Variants in ZFYVE27 observed in about 807,000 individuals in gnomAD.
ZFYVE27 encodes the protein protrudin.
ZFYVE27 carries 36 observed loss-of-function variants against 52.8 expected under a neutral mutation model. The ratio of observed to expected loss-of-function variants is 0.68; its 90% CI spans 0.52 to 0.90. The LOEUF is 0.90. ZFYVE27 is among the 40% of genes least tolerant of loss of function. ZFYVE27 has a pLI of 0.00. For missense variants in ZFYVE27, 450 were observed against 527.2 expected, an observed-to-expected ratio of 0.85 and a Z score of 1.43; for synonymous variants, 223 against 215.6, an observed-to-expected ratio of 1.03 and a Z score of -0.30.
chr10:97,747,616 C>T (rs961206812), intron 4 of ZFYVE27, among the ~76,000 whole-genome samples: 1 of 152,050 alleles, frequency 6.6e-6, no homozygotes. Flanking sequence ...CTCAAATTGT[C>T]CTAGATTTGG....
At chr10:97,740,538 C>G (rs1302281010) in intron 2 of ZFYVE27, among the ~76,000 whole-genome samples, 3 of 152,190 alleles carry the variant, frequency 2.0e-5, no homozygotes, top group African/African-American at 7.2e-5. Context: ...CTGCCCGTCT[C>G]CTTTTCCTCT....
chr10:97,754,050 C>T (rs1384980617), intron 10 of ZFYVE27, among the ~76,000 whole-genome samples: 1 of 152,124 alleles, frequency 6.6e-6, no homozygotes, highest in South Asian at 2.1e-4. Flanking sequence ...AGCTGCTGTG[C>T]TCCTGAGGAA....
chr10:97,743,401 G>A (rs1439422874), intron 3 of ZFYVE27, among the ~76,000 whole-genome samples: 1 of 152,200 alleles, frequency 6.6e-6, no homozygotes, highest in Non-Finnish European at 1.5e-5. Flanking sequence ...CTTACCTCTA[G>A]AGGGAGGATA....
rs537765023 is a variant in ZFYVE27 at position 97,757,215 on chromosome 10, G to A, written c.1043-50G>A. 509 of 1,613,900 alleles carry A rather than the reference G, an allele frequency of 3.2e-4. 3 individuals are homozygous for A. In the South Asian group the frequency reaches 5.1e-3, roughly 16 times the overall value. On this transcript the variant is annotated intron_variant, in intron 10 of 12. Transcript: ENST00000684270. Reference sequence around the variant, plus strand: ...TTAGAAGCGCCAGGAGCAGGTGAGCGTGAGAGTCCTGGGATGGGCGGGGGT... The same window carrying A: ...TTAGAAGCGCCAGGAGCAGGTGAGCATGAGAGTCCTGGGATGGGCGGGGGT...
Position 97,749,593 on chromosome 10 carries a change from C to T in ZFYVE27, c.664+7C>T. The T allele has an allele frequency of 1.9e-6, 3 of 1,610,678 alleles. No individual in the cohort carries two copies. The highest frequency in any genetic ancestry group is 2.5e-6 in the Non-Finnish European group (3 of 1,176,924). On this transcript the variant is annotated splice_region_variant and intron_variant, in intron 6 of 12. Transcript: ENST00000684270. ...AATGTGGAGTTCTTCCGAGGTAAGC[C>T]CTGAAGGGCCTGAAAGATGGGGCCC...
At chr10:97,754,438 G>A (rs954080294) in intron 10 of ZFYVE27, among the ~76,000 whole-genome samples, 2 of 151,218 alleles carry the variant, frequency 1.3e-5, no homozygotes, top group African/African-American at 4.9e-5. Context: ...TCAGCCTCCC[G>A]AGTAGCTGGG....
In ZFYVE27 at chr10:97,753,028, G is replaced by C. The variant is rs760891832; in HGVS notation, c.898-10G>C. On this transcript the variant is annotated splice_polypyrimidine_tract_variant and intron_variant, in intron 9 of 12. Coordinates refer to ENST00000684270, the MANE Select transcript of ZFYVE27 (RefSeq NM_001385875.1). ...GAGGTGGGCAGGACTGGAAGGAGCTGTTCCCACAGGAGGATGATGAGGGCG... is the reference window on the plus strand; with the variant it reads ...GAGGTGGGCAGGACTGGAAGGAGCTCTTCCCACAGGAGGATGATGAGGGCG... 8.1e-6 allele frequency: 13 copies of C among 1,612,682 alleles called. No individual in the cohort carries two copies. The highest frequency in any genetic ancestry group is 2.2e-5 in the South Asian group (2 of 90,814).
At chr10:97,755,217 T>C (rs905916488) in intron 10 of ZFYVE27, among the ~76,000 whole-genome samples, 3 of 152,272 alleles carry the variant, frequency 2.0e-5, no homozygotes, top group Non-Finnish European at 4.4e-5. Flanking sequence ...TTCCCTTTTC[T>C]GAGATGTTCC....
chr10:97,748,021 A>G (rs530971569), intron 4 of ZFYVE27, among the ~76,000 whole-genome samples: 3 of 152,350 alleles, frequency 2.0e-5, no homozygotes, highest in South Asian at 2.1e-4. Context: ...AACAGTTAGA[A>G]GACCAAAGCA....
At chr10:97,757,403 C>A in intron 11 of ZFYVE27, 92 bp downstream of exon 11, 1 of 1,584,482 alleles carries the variant, frequency 6.3e-7, no homozygotes, top group Non-Finnish European at 8.7e-7. Context: ...GAAAGTCTGG[C>A]TCGGGTCACA....
At chr10:97,738,386 G>A in intron 1 of ZFYVE27, 91 bp from the exon 2 acceptor site, 1 of 1,419,342 alleles carries the variant, frequency 7.0e-7, no homozygotes, top group East Asian at 2.3e-5. Context: ...CTTGCTCACA[G>A]GTTTACTGTT....
chr10:97,759,524 C>T lies in ZFYVE27; in HGVS notation c.*224C>T, dbSNP rs2049205011. ...CTCTCAATCCCTTGAGGGAGAAGAGCCCCTGGAGGGCCTGGCATGTTTGTC... is the reference window on the plus strand; with the variant it reads ...CTCTCAATCCCTTGAGGGAGAAGAGTCCCTGGAGGGCCTGGCATGTTTGTC... On this transcript the variant is annotated 3_prime_UTR_variant, in exon 13 of 13. Transcript: ENST00000684270. The T allele has an allele frequency of 1.6e-6, 1 of 616,632 alleles. No homozygotes were observed. Among genetic ancestry groups the T allele is most frequent in the Non-Finnish European group, 2.9e-6 (1 of 339,302 alleles). The allele number at this position is 616,632 out of a possible 1,614,324, so 38.2% of individuals were successfully genotyped here.
In ZFYVE27 at chr10:97,751,816, G is replaced by A. The variant is rs141333318; in HGVS notation, c.876+354G>A. ...CTGGGTCTCCGCTCTTCTGCAGAGT[G>A]AGTTCCGTAAGATGTCCCTTTGCGG... On this transcript the variant is annotated intron_variant, in intron 8 of 12. Transcript: ENST00000684270. Among the ~76,000 whole-genome samples, 166 of 152,326 alleles carry A rather than the reference G, an allele frequency of 1.1e-3. 1 individual carries two copies. In the East Asian group the frequency reaches 0.029, roughly 27 times the overall value.
At chr10:97,749,667 C>T (rs895844069) in intron 6 of ZFYVE27, 81 bp downstream of exon 6, 24 of 1,132,488 alleles carry the variant, frequency 2.1e-5, no homozygotes, top group African/African-American at 4.6e-5. Context: ...TCTGTCTCTA[C>T]AGCTAATCAT....
chr10:97,750,500 T>G, intron 7 of ZFYVE27, 30 bp downstream of exon 7: 1 of 1,612,594 alleles, frequency 6.2e-7, no homozygotes, highest in Non-Finnish European at 8.5e-7. Context: ...CAGAGCCTGC[T>G]GTGGCCGCTT....
chr10:97,752,900 G>A (rs1323480877), intron 9 of ZFYVE27, 23 bp downstream of exon 9: 1 of 1,613,776 alleles, frequency 6.2e-7, no homozygotes, highest in Non-Finnish European at 8.5e-7. Flanking sequence ...CTTGGTGGGT[G>A]GGCAGGGGCT....
At chr10:97,752,740 G>A in intron 8 of ZFYVE27, 117 bp from the exon 9 acceptor site, 2 of 1,185,892 alleles carry the variant, frequency 1.7e-6, no homozygotes, top group Non-Finnish European at 2.4e-6. Context: ...AGTGCGCAGA[G>A]CTCAGAGCAG....
rs2042956240 is a variant in ZFYVE27, at chr10:97,739,286, C to T, written c.197+612C>T. 2.0e-5 allele frequency among the ~76,000 whole-genome samples: 3 copies of T among 151,576 alleles called. No individual in the cohort carries two copies. In the South Asian group the frequency reaches 6.2e-4, roughly 32 times the overall value. The stretch of plus-strand genomic sequence containing the variant: ...CTCTCACTGTGTTGCCCAGGCTGGT[C>T]TTGAACTGTTGGGCTCAAGTGATCC... On this transcript the variant is annotated intron_variant, in intron 2 of 12. Coordinates refer to ENST00000684270, the MANE Select transcript of ZFYVE27 (RefSeq NM_001385875.1).
At chr10:97,740,942 G>A (rs911288001) in intron 2 of ZFYVE27, among the ~76,000 whole-genome samples, 4 of 152,144 alleles carry the variant, frequency 2.6e-5, no homozygotes, top group Non-Finnish European at 5.9e-5. Context: ...GAAGGGAAGA[G>A]GCTTTAAAAT....
Sources: gnomAD v4.1 joint callset for allele counts (sites outside exome capture counted in the v4.1 genomes callset) on GRCh38, gnomAD v4.1.1 for gene constraint, MANE v1.5 for transcripts, NCBI Gene and HGNC (gene_info 2026-07-23, HGNC 2026-07-21) for gene names.